The following KIF13B variants were observed in gnomAD, a reference collection of about 807,000 sequenced individuals.
KIF13B encodes the protein kinesin-like protein KIF13B.
KIF13B carries 127 observed loss-of-function variants against 222.0 expected under a neutral mutation model. The ratio of observed to expected loss-of-function variants is 0.57; its 90% confidence interval spans 0.50 to 0.66. The LOEUF (loss-of-function observed/expected upper bound fraction) is 0.66, where lower values mean the gene tolerates loss of function less well. Ranked by LOEUF, KIF13B falls within the 30% of genes least tolerant of loss-of-function variation. The pLI is 0.00. For synonymous variants in KIF13B, 976 were observed against 919.0 expected (o/e 1.06, Z -1.12); for missense variants, 2,173 against 2,379.0 (o/e 0.91, Z 1.80).
rs1807301742 is a variant in KIF13B at position 29,071,898 on chromosome 8, C to T, written c.4940G>A (p.Arg1647His). The change falls in exon 39 of 40, where the codon CGC (arginine) becomes CAC (histidine). Residue 1647 changes from arginine to histidine, a missense_variant. Around this residue, in one of 2 missense-constraint regions of KIF13B, gnomAD observed 693 missense variants for 656.2 expected, o/e 1.06. Coordinates refer to ENST00000524189, the MANE Select transcript of KIF13B (RefSeq NM_015254.4). The surrounding 1 kb of genome is among the most constrained non-coding windows in gnomAD (Gnocchi z 4.9). ...CTCCGAGGCCCGCACCCTCCGGACG[C>T]GGAACGGGGAGCCGGGCGCCGGGGC... Reference protein sequence around the residue: ...LEAPAPGSPFRVRRVRASELR... With the variant: ...LEAPAPGSPFHVRRVRASELR... 2.0e-6 allele frequency: 3 copies of T among 1,473,936 alleles called. No individual in the cohort carries two copies. The highest frequency in any genetic ancestry group is 2.7e-5 in the East Asian group (1 of 36,448). 91.3% of individuals were successfully genotyped at this position (1,473,936 alleles called of 1,614,324 possible).
chr8:29,202,421 G>A lies in KIF13B; in HGVS notation c.150-6222C>T, dbSNP rs543342400. Reference sequence around the variant, plus strand: ...TAATCTCTGCCTTCTGGGTTCAAGCGATTCTTCTGCCTCAGCCTCCCAAGT... The same window carrying A: ...TAATCTCTGCCTTCTGGGTTCAAGCAATTCTTCTGCCTCAGCCTCCCAAGT... On this transcript the variant is annotated intron_variant, in intron 2 of 39. Coordinates refer to ENST00000524189, the MANE Select transcript of KIF13B (RefSeq NM_015254.4). Among the ~76,000 whole-genome samples, 11 of 152,208 alleles carry A rather than the reference G, an allele frequency of 7.2e-5. No individual in the cohort carries two copies. In the East Asian group the frequency reaches 1.4e-3, roughly 19 times the overall value.
chr8:29,111,063 T>C (rs779056044), intron 32 of KIF13B, among the ~76,000 whole-genome samples: 3 of 152,208 alleles, frequency 2.0e-5, no homozygotes, highest in Admixed American at 6.5e-5. Flanking sequence ...ACAGATAAAA[T>C]GTGGGAGGAT....
intron 2 of KIF13B, among the ~76,000 whole-genome samples, chr8:29,230,179 T>C (rs1447039659): frequency 6.6e-6 from 1 of 152,106 alleles, no homozygotes; most frequent in Non-Finnish European, 1.5e-5. Flanking sequence ...GGAGGTGATA[T>C]AAACTTCCAG....
intron 2 of KIF13B, among the ~76,000 whole-genome samples, chr8:29,211,347 T>C (rs1354986369): frequency 2.0e-5 from 3 of 152,176 alleles, no homozygotes; most frequent in African/African-American, 7.2e-5. Flanking sequence ...GTTCAGACGA[T>C]GGACAACAGG....
At chr8:29,077,524 A>G (rs1807620869) in intron 37 of KIF13B, among the ~76,000 whole-genome samples, 1 of 152,270 alleles carries the variant, frequency 6.6e-6, no homozygotes, top group South Asian at 2.1e-4. Flanking sequence ...TAAAGTGGAC[A>G]AGATTGGGGA....
At position 29,130,745 on chromosome 8, in the gene KIF13B, A is replaced by T. The variant is rs985093044; in HGVS notation, c.2943-80T>A. 10 of 1,314,270 alleles carry T rather than the reference A, an allele frequency of 7.6e-6. 2 individuals carry two copies. The highest frequency in any genetic ancestry group is 3.7e-4 in the Middle Eastern group (2 of 5,406). The allele number at this position is 1,314,270 out of a possible 1,614,324, so 81.4% of individuals were successfully genotyped here. A position where few individuals can be genotyped will look rare whatever the true frequency, so the allele number is the denominator to read the frequency against. On this transcript the variant is annotated intron_variant, in intron 23 of 39. Transcript: ENST00000524189. ...AGCTTAGGGTCCTACACACATAAGA[A>T]TTAACAATGAAAATGACCTCCAAAC...
intron 23 of KIF13B, among the ~76,000 whole-genome samples, chr8:29,131,459 G>GA (rs537247653): frequency 9.9e-5 from 15 of 152,116 alleles, no homozygotes; most frequent in African/African-American, 2.2e-4. Context: ...GAGAATCAAG[G>GA]AAAAAATCTC....
chr8:29,202,097 G>A (rs549781537), intron 2 of KIF13B, among the ~76,000 whole-genome samples: 49 of 152,302 alleles, frequency 3.2e-4, no homozygotes, highest in African/African-American at 1.0e-3. Context: ...TATGACTGGA[G>A]AATAATAGCA....
At chr8:29,171,646 A>C (rs1166674283) in intron 10 of KIF13B, among the ~76,000 whole-genome samples, 1 of 151,776 alleles carries the variant, frequency 6.6e-6, no homozygotes, top group Non-Finnish European at 1.5e-5. Flanking sequence ...AGCTCTGGGA[A>C]AACTGCTTAA....
At chr8:29,205,472 A>T (rs1040306928) in intron 2 of KIF13B, among the ~76,000 whole-genome samples, 4 of 152,070 alleles carry the variant, frequency 2.6e-5, no homozygotes, top group African/African-American at 7.2e-5. Flanking sequence ...AAAAACACCG[A>T]CTCACAAATT....
In KIF13B at chr8:29,119,359, G is replaced by A. The variant is rs567492699; in HGVS notation, c.3536-367C>T. On this transcript the variant is annotated intron_variant, in intron 29 of 39. Coordinates refer to ENST00000524189, the MANE Select transcript of KIF13B (RefSeq NM_015254.4). ...TCAGAAACGAGCAAGGGTGATTCCA[G>A]GCACCTGACAGCAACATTCACCAGA... Among the ~76,000 whole-genome samples the A allele has an allele frequency of 1.1e-4, 17 of 152,300 alleles. No individual in the cohort carries two copies. In the South Asian group the frequency reaches 3.5e-3, roughly 32 times the overall value.
At position 29,108,316 on chromosome 8, in the gene KIF13B, T is replaced by C. The variant is rs1163151468; in HGVS notation, c.4162-124A>G. The stretch of plus-strand genomic sequence containing the variant: ...AAGTTGGGTGGCAGCAGAGAGGTTG[T>C]CATGACGAAGGCTGCACACTAGTGG... On this transcript the variant is annotated intron_variant, in intron 34 of 39. Transcript: ENST00000524189. 23 of 805,604 alleles carry C rather than the reference T, an allele frequency of 2.9e-5. No homozygotes were observed. The Admixed American group carries it at 3.9e-4, about 14-fold the overall frequency. 49.9% of individuals were successfully genotyped at this position (805,604 alleles called of 1,614,324 possible).
Position 29,070,820 on chromosome 8 carries a change from C to T in KIF13B, c.5219-54G>A, listed in dbSNP as rs1807235115. ...GGGCAGCCGAGCTGCAGACGGCCCCCTGCACCTCCCTTACCTCTGCAGAGG... is the reference window on the plus strand; with the variant it reads ...GGGCAGCCGAGCTGCAGACGGCCCCTTGCACCTCCCTTACCTCTGCAGAGG... On this transcript the variant is annotated intron_variant, in intron 39 of 39. Coordinates refer to ENST00000524189, the MANE Select transcript of KIF13B (RefSeq NM_015254.4). This position sits in a 1 kb window ranked among gnomAD's most constrained non-coding sequence, Gnocchi z 4.1. 6.4e-7 allele frequency: 1 copy of T among 1,551,296 alleles called. No homozygotes were observed. The highest frequency in any genetic ancestry group is 1.9e-5 in the Admixed American group (1 of 51,756).
At chr8:29,168,293 C>T (rs1812090371) in intron 10 of KIF13B, among the ~76,000 whole-genome samples, 1 of 152,190 alleles carries the variant, frequency 6.6e-6, no homozygotes, top group Non-Finnish European at 1.5e-5. Flanking sequence ...CGACTGGCTT[C>T]CAACAGAATG....
rs1338277873 is a variant in KIF13B, at chr8:29,123,385, G to C, written c.3460C>G (p.Pro1154Ala). ...TCATACCATTCTGCTGGGGCCCCTG[G>C]AATACCACTGCCAGCAGAGGGGACC... ...VMVPSAGSGI[P>A]GAPAEWTPVP... is the part of the protein sequence containing the mutation. The change falls in exon 28 of 40, where the codon CCA becomes GCA. Residue 1154 changes from proline to alanine, a missense_variant. This residue lies in a region of KIF13B where 1,480 missense variants were observed against 1,722.8 expected (regional missense o/e 0.86). Coordinates refer to ENST00000524189, the MANE Select transcript of KIF13B (RefSeq NM_015254.4). 27 of 1,613,824 alleles carry C rather than the reference G, an allele frequency of 1.7e-5. No homozygotes were observed. The highest frequency in any genetic ancestry group is 2.3e-5 in the Non-Finnish European group (27 of 1,179,914).
chr8:29,153,441 T>G (rs1268761104), intron 14 of KIF13B, among the ~76,000 whole-genome samples: 1 of 152,142 alleles, frequency 6.6e-6, no homozygotes, highest in Admixed American at 6.5e-5. Context: ...CTGCTTATCA[T>G]GAAAATGGCA....
At chr8:29,204,096 A>C (rs4732668) in intron 2 of KIF13B, among the ~76,000 whole-genome samples, 27,993 of 151,926 alleles carry the variant, frequency 0.18, 2,860 homozygotes, top group African/African-American at 0.26. Flanking sequence ...GAGAAAACTT[A>C]TTTAAATGTA....
At chr8:29,149,190 T>G (rs7006739) in intron 15 of KIF13B, among the ~76,000 whole-genome samples, 53,539 of 152,012 alleles carry the variant, frequency 0.35, 10,146 homozygotes, top group Non-Finnish European at 0.44. Flanking sequence ...AAAATTTGTA[T>G]AGCACACTAG....
At position 29,148,670 on chromosome 8, in the gene KIF13B, C is replaced by A; in HGVS notation, c.1720G>T (p.Asp574Tyr). ...NENSSEQLDV[D>Y]GDSSSEVSSE... ...GACACCTCGCTGGAGGAGTCTCCGTCTACATCCAGCTGCTCAGAACTATTC... is the reference window on the plus strand; with the variant it reads ...GACACCTCGCTGGAGGAGTCTCCGTATACATCCAGCTGCTCAGAACTATTC... Residue 574 changes from aspartate to tyrosine, a missense_variant, in exon 16 of 40, where the codon GAC (aspartate) becomes TAC (tyrosine). Physicochemically the swap from Asp to Tyr is radical, Grantham distance 160. Around this residue, in one of 2 missense-constraint regions of KIF13B, gnomAD observed 1,480 missense variants for 1,722.8 expected, o/e 0.86. Coordinates refer to ENST00000524189, the MANE Select transcript of KIF13B (RefSeq NM_015254.4). 1 of 1,612,924 alleles carries A rather than the reference C, an allele frequency of 6.2e-7. No homozygotes were observed. Among genetic ancestry groups the A allele is most frequent in the South Asian group, 1.1e-5 (1 of 90,742 alleles).
Sources: allele counts gnomAD v4.1 joint callset (sites outside exome capture counted in the v4.1 genomes callset), GRCh38; gene constraint gnomAD v4.1.1; regional missense constraint gnomAD v4.1.1; non-coding constraint Gnocchi (gnomAD v3.1); transcripts MANE v1.5; gene names NCBI Gene and HGNC (gene_info 2026-07-23, HGNC 2026-07-21).